Variants in CFAP54 observed in about 807,000 individuals in gnomAD.
CFAP54 encodes cilia- and flagella-associated protein 54.
A neutral mutation model predicts 370.4 loss-of-function variants in CFAP54; 290 were observed. That is an observed-to-expected ratio of 0.78 (90% CI 0.71 to 0.86). The LOEUF (loss-of-function observed/expected upper bound fraction) is 0.86, where lower values mean the gene tolerates loss of function less well. CFAP54 is among the 40% of genes least tolerant of loss of function. The pLI, the probability that CFAP54 is intolerant of heterozygous loss-of-function variation, is 0.00. For missense variants in CFAP54, 3,399 were observed against 3,528.7 expected, an observed-to-expected ratio of 0.96 and a Z score of 0.93; for synonymous variants, 1,206 against 1,236.5, an observed-to-expected ratio of 0.98 and a Z score of 0.52.
chr12:96,552,567 ACTCCTGACCTCAGGTGAC>A (rs1955707318), intron 15 of CFAP54, among the ~76,000 whole-genome samples: 1 of 151,322 alleles, frequency 6.6e-6, no homozygotes, highest in African/African-American at 2.4e-5. Context: ...CTGGTCTTGA[ACTCCTGACCTCAGGTGAC>A]CTCCTGCCTT....
At chr12:96,565,398 TA>T (rs869133035) in intron 19 of CFAP54, among the ~76,000 whole-genome samples, 27 of 151,982 alleles carry the variant, frequency 1.8e-4, no homozygotes, top group African/African-American at 6.5e-4. Context: ...GCCAGAATAT[TA>T]AAAAAAATTT....
intron 26 of CFAP54, among the ~76,000 whole-genome samples, chr12:96,616,925 C>G (rs192516821): frequency 4.7e-4 from 72 of 152,088 alleles, no homozygotes; most frequent in Admixed American, 2.2e-3. Flanking sequence ...GGAGATAAGA[C>G]CTGAGGCAGA....
chr12:96,721,943 T>C (rs1403749921), intron 50 of CFAP54, among the ~76,000 whole-genome samples: 1 of 152,160 alleles, frequency 6.6e-6, no homozygotes, highest in Non-Finnish European at 1.5e-5. Context: ...ATCGTGTGGT[T>C]GTAATAAGTG....
In CFAP54 at chr12:96,508,153, A is replaced by G. The variant is rs181064719; in HGVS notation, c.739+1054A>G. Among the ~76,000 whole-genome samples, 9 of 122,112 alleles carry G rather than the reference A, an allele frequency of 7.4e-5. No homozygotes were observed. The East Asian group carries it at 2.0e-3, about 27-fold the overall frequency. The allele number at this position is 122,112 out of a possible 152,430, so 80.1% of individuals were successfully genotyped here. ...TTTTTTTTTTTTTTTTTTGTCTGAG[A>G]CAGGGTCTCACTTTCTCACCCAGAG... On this transcript the variant is annotated intron_variant, in intron 4 of 67. Coordinates refer to ENST00000524981, the MANE Select transcript of CFAP54 (RefSeq NM_001306084.2).
intron 50 of CFAP54, among the ~76,000 whole-genome samples, chr12:96,725,576 G>T (rs1957822579): frequency 1.3e-5 from 2 of 152,152 alleles, no homozygotes; most frequent in Middle Eastern, 3.2e-3. Flanking sequence ...GAGATTTTGG[G>T]CTGAGACGAT....
Position 96,729,533 on chromosome 12 carries a change from C to T in CFAP54, c.6965+8968C>T, listed in dbSNP as rs140365344. On this transcript the variant is annotated intron_variant, in intron 50 of 67. Transcript: ENST00000524981. ...CTCCTGGTGCGCTGTTTCCTAAGCC[C>T]ATCGGAAAAGCTCAGTATTCGGGTG... 2.2e-4 allele frequency among the ~76,000 whole-genome samples: 34 copies of T among 152,348 alleles called. No individual in the cohort carries two copies. The East Asian group carries it at 4.1e-3, about 18-fold the overall frequency.
intron 26 of CFAP54, among the ~76,000 whole-genome samples, chr12:96,615,737 A>C (rs1455162931): frequency 1.3e-5 from 2 of 152,378 alleles, no homozygotes; most frequent in Admixed American, 1.3e-4. Flanking sequence ...GAAGACATCT[A>C]TGCAGCCAAA....
intron 41 of CFAP54, 116 bp from the exon 42 acceptor site, chr12:96,684,913 A>G (rs1957309203): frequency 9.9e-7 from 1 of 1,006,006 alleles, no homozygotes; most frequent in Non-Finnish European, 1.5e-6. Context: ...TGAATGTATT[A>G]TAGTTATACG....
chr12:96,769,026 A>G (rs1337204761), intron 60 of CFAP54, among the ~76,000 whole-genome samples: 2 of 152,194 alleles, frequency 1.3e-5, no homozygotes, highest in Non-Finnish European at 2.9e-5. Flanking sequence ...AGTTAAAGTG[A>G]TGCACCTAGT....
At chr12:96,659,035 T>C (rs555749518) in intron 38 of CFAP54, among the ~76,000 whole-genome samples, 2 of 152,242 alleles carry the variant, frequency 1.3e-5, no homozygotes, top group South Asian at 4.1e-4. Flanking sequence ...CTTTCTTTTT[T>C]TGAAACAGAG....
intron 55 of CFAP54, among the ~76,000 whole-genome samples, chr12:96,752,131 A>AGAGAGAGAGAGATT (rs1388013471): frequency 7.4e-6 from 1 of 135,568 alleles, no homozygotes; most frequent in Non-Finnish European, 1.6e-5. Context: ...AGAGAGAGAG[A>AGAGAGAGAGAGATT]GATTGAGGCT....
At chr12:96,594,251 C>T in intron 24 of CFAP54, 40 bp from the exon 25 acceptor site, 1 of 1,436,056 alleles carries the variant, frequency 7.0e-7, no homozygotes. Context: ...ACGCTAAGCA[C>T]CTATGTTCAA....
At chr12:96,654,369 C>T (rs1956896150) in intron 36 of CFAP54, among the ~76,000 whole-genome samples, 1 of 151,350 alleles carries the variant, frequency 6.6e-6, no homozygotes, top group East Asian at 1.9e-4. Flanking sequence ...GGCGTAGTGG[C>T]GGGCGCCTGT....
chr12:96,744,241 G>A, intron 55 of CFAP54, 95 bp downstream of exon 55: 6 of 1,112,478 alleles, frequency 5.4e-6, no homozygotes, highest in Non-Finnish European at 7.6e-6. Context: ...TTTAAAAGAG[G>A]CAATATTTAT....
intron 26 of CFAP54, among the ~76,000 whole-genome samples, chr12:96,608,869 A>G (rs1325730160): frequency 2.6e-5 from 4 of 152,190 alleles, no homozygotes; most frequent in Non-Finnish European, 5.9e-5. Context: ...AAAATGGCTA[A>G]TTTTCAGCAA....
At chr12:96,663,004 A>C (rs1237885068) in intron 38 of CFAP54, among the ~76,000 whole-genome samples, 1 of 152,112 alleles carries the variant, frequency 6.6e-6, no homozygotes, top group Non-Finnish European at 1.5e-5. Context: ...CAAGAGTGAG[A>C]GTTTTTATTT....
At chr12:96,826,305 A>T (rs370031039) in intron 65 of CFAP54, among the ~76,000 whole-genome samples, 8 of 70,984 alleles carry the variant, frequency 1.1e-4, no homozygotes, top group Non-Finnish European at 2.1e-4. Flanking sequence ...ATATATATAG[A>T]AGACAATATA....
intron 32 of CFAP54, among the ~76,000 whole-genome samples, chr12:96,632,354 G>C (rs1240608874): frequency 6.6e-6 from 1 of 151,942 alleles, no homozygotes; most frequent in Non-Finnish European, 1.5e-5. Flanking sequence ...ATCTGGGATA[G>C]TAAAGATATT....
intron 64 of CFAP54, among the ~76,000 whole-genome samples, chr12:96,816,557 A>C (rs1318555049): frequency 6.6e-6 from 1 of 152,218 alleles, no homozygotes. Flanking sequence ...CATTAGGATA[A>C]TCAAGTATTG....
Sources: allele counts gnomAD v4.1 joint callset (sites outside exome capture counted in the v4.1 genomes callset), GRCh38; gene constraint gnomAD v4.1.1; transcripts MANE v1.5; gene names NCBI Gene and HGNC (gene_info 2026-07-23, HGNC 2026-07-21).